Variants in INPP5A observed in about 807,000 individuals in gnomAD.
INPP5A encodes inositol polyphosphate-5-phosphatase A.
INPP5A carries 14 observed loss-of-function variants against 65.2 expected under a neutral mutation model. The observed-to-expected ratio is 0.21, with a 90% CI of 0.14 to 0.34. INPP5A has a LOEUF of 0.34. INPP5A is among the 10% of genes least tolerant of loss of function. INPP5A has a pLI of 1.00. For missense variants in INPP5A, 431 were observed against 545.6 expected (o/e 0.79, Z 2.09); for synonymous variants, 207 against 208.3 (o/e 0.99, Z 0.05).
intron 2 of INPP5A, among the ~76,000 whole-genome samples, chr10:132,621,200 C>T (rs1356076960): frequency 6.6e-6 from 1 of 152,222 alleles, no homozygotes; most frequent in Non-Finnish European, 1.5e-5. Context: ...TGCTTATTTA[C>T]CTGAAGACTG....
chr10:132,579,358 C>T (rs1313538436), intron 1 of INPP5A, among the ~76,000 whole-genome samples: 2 of 152,028 alleles, frequency 1.3e-5, no homozygotes, highest in South Asian at 2.1e-4. Flanking sequence ...GCATGAACTC[C>T]GTTTTCCTCC....
chr10:132,579,343 TGA>T (rs1314713979), intron 1 of INPP5A, among the ~76,000 whole-genome samples: 1 of 151,880 alleles, frequency 6.6e-6, no homozygotes, highest in Non-Finnish European at 1.5e-5. Context: ...TGTTGGGAAG[TGA>T]GGGCATGAAC....
chr10:132,721,980 G>C (rs574970376), intron 8 of INPP5A, among the ~76,000 whole-genome samples: 1 of 152,292 alleles, frequency 6.6e-6, no homozygotes, highest in South Asian at 2.1e-4. Flanking sequence ...AAACAGGCTG[G>C]TATGTTTATT....
intron 1 of INPP5A, among the ~76,000 whole-genome samples, chr10:132,541,880 G>T (rs1236447186): frequency 6.6e-6 from 1 of 152,252 alleles, no homozygotes. Flanking sequence ...TATGCAGACT[G>T]CCAGATCACC....
intron 1 of INPP5A, among the ~76,000 whole-genome samples, chr10:132,552,056 C>T (rs536943604): frequency 1.6e-4 from 25 of 152,344 alleles, no homozygotes; most frequent in Admixed American, 1.2e-3. Context: ...CCCATTCACT[C>T]GGGAGCATTT....
At chr10:132,633,127 G>A (rs1028677463) in intron 2 of INPP5A, among the ~76,000 whole-genome samples, 1 of 152,144 alleles carries the variant, frequency 6.6e-6, no homozygotes, top group Non-Finnish European at 1.5e-5. Context: ...TGCAACAAAG[G>A]TGCCCTGTCC....
At position 132,762,506 on chromosome 10, in the gene INPP5A, T is replaced by G. The variant is rs1378971314; in HGVS notation, c.904-3267T>G. Among the ~76,000 whole-genome samples, 1 of 152,044 alleles carries G rather than the reference T, an allele frequency of 6.6e-6. No individual in the cohort carries two copies. The highest frequency in any genetic ancestry group is 1.5e-5 in the Non-Finnish European group (1 of 68,016). ...ACTTAGAGTTCTCTCAGCAGCCAAG[T>G]CAGCCTTCAGAACACTGGCCACCAT... On this transcript the variant is annotated intron_variant, in intron 11 of 15. Transcript: ENST00000368594. The surrounding 1 kb of genome is among the most constrained non-coding windows in gnomAD (Gnocchi z 4.6).
At chr10:132,666,207 A>G (rs2072799980) in intron 4 of INPP5A, among the ~76,000 whole-genome samples, 1 of 152,128 alleles carries the variant, frequency 6.6e-6, no homozygotes, top group African/African-American at 2.4e-5. Context: ...ACTATGATTC[A>G]TCTAGGAACT....
At chr10:132,639,231 TTTC>T (rs1023109183) in intron 2 of INPP5A, among the ~76,000 whole-genome samples, 3 of 152,140 alleles carry the variant, frequency 2.0e-5, no homozygotes, top group Non-Finnish European at 4.4e-5. Flanking sequence ...TTTGCTTAGT[TTTC>T]TTTTGTGTGA....
In INPP5A at chr10:132,708,245, G is replaced by C; in HGVS notation, c.475-68G>C. On this transcript the variant is annotated intron_variant, in intron 6 of 15. Transcript: ENST00000368594. ...AAAGCATCTCCTGTGTCCTTTAGGT[G>C]TGTGGGACCCACGTGTTGCTCTTGC... The C allele has an allele frequency of 2.9e-6, 4 of 1,388,458 alleles. No homozygotes were observed. The Middle Eastern group carries it at 5.3e-4, about 184-fold the overall frequency. The allele number at this position is 1,388,458 out of a possible 1,614,324, so 86.0% of individuals were successfully genotyped here. A position where few individuals can be genotyped will look rare whatever the true frequency, so the allele number is the denominator to read the frequency against.
rs1333185649 is a variant in INPP5A at position 132,663,054 on chromosome 10, T to TA, written c.306+12550dup. 2.6e-5 allele frequency among the ~76,000 whole-genome samples: 4 copies of TA among 152,240 alleles called. No homozygotes were observed. The East Asian group carries it at 7.7e-4, about 29-fold the overall frequency. ...CTGCAGATTTAATGGAAAAGGGAAG[T>TA]ACTTCCATCAGCAGCTGGCCCCTCG... On this transcript the variant is annotated intron_variant, in intron 4 of 15. Coordinates refer to ENST00000368594, the MANE Select transcript of INPP5A (RefSeq NM_005539.5). The surrounding 1 kb of genome is among the most constrained non-coding windows in gnomAD (Gnocchi z 4.5).
chr10:132,593,664 C>T (rs2071647231), intron 1 of INPP5A, among the ~76,000 whole-genome samples: 1 of 152,192 alleles, frequency 6.6e-6, no homozygotes. Flanking sequence ...CACTCTAATT[C>T]TTGTCCTTGT....
In INPP5A at chr10:132,650,718, A is replaced by G. The variant is rs2072565078; in HGVS notation, c.306+213A>G. On this transcript the variant is annotated intron_variant, in intron 4 of 15. Coordinates refer to ENST00000368594, the MANE Select transcript of INPP5A (RefSeq NM_005539.5). This position sits in a 1 kb window ranked among gnomAD's most constrained non-coding sequence, Gnocchi z 5.5. The stretch of plus-strand genomic sequence containing the variant: ...GCAGGGAAGGTGGCCCAGCACGCAC[A>G]GGGTCTTGGGGCTCCAGACCAAGCC... Among the ~76,000 whole-genome samples the G allele has an allele frequency of 6.6e-6, 1 of 152,186 alleles. No homozygotes were observed. Among genetic ancestry groups the G allele is most frequent in the African/African-American group, 2.4e-5 (1 of 41,452 alleles).
intron 4 of INPP5A, among the ~76,000 whole-genome samples, chr10:132,687,409 A>G (rs974262614): frequency 6.6e-6 from 1 of 152,228 alleles, no homozygotes; most frequent in Non-Finnish European, 1.5e-5. Flanking sequence ...GCAGCAGCTC[A>G]CCAGGGCATG....
intron 8 of INPP5A, among the ~76,000 whole-genome samples, chr10:132,724,808 G>T (rs1244527972): frequency 1.3e-5 from 2 of 151,254 alleles, no homozygotes; most frequent in African/African-American, 4.9e-5. Context: ...CTCACGGGGG[G>T]CCCCAGGCTA....
intron 1 of INPP5A, among the ~76,000 whole-genome samples, chr10:132,574,477 T>A (rs1303524660): frequency 6.8e-6 from 1 of 147,320 alleles, no homozygotes; most frequent in Non-Finnish European, 1.5e-5. Flanking sequence ...GTGTCCTGTG[T>A]GAGGTTTTGT....
chr10:132,689,749 C>T (rs1472759508), intron 4 of INPP5A, among the ~76,000 whole-genome samples: 1 of 152,218 alleles, frequency 6.6e-6, no homozygotes, highest in Non-Finnish European at 1.5e-5. Context: ...GTGTGGTATC[C>T]GTCGACCCAG....
intron 1 of INPP5A, among the ~76,000 whole-genome samples, chr10:132,544,087 G>A (rs2070938546): frequency 6.6e-6 from 1 of 152,230 alleles, no homozygotes; most frequent in South Asian, 2.1e-4. Context: ...TCCCTCCCAG[G>A]GTTCTGGTTT....
chr10:132,644,042 A>C lies in INPP5A; in HGVS notation c.118-1826A>C, dbSNP rs969683594. On this transcript the variant is annotated intron_variant, in intron 2 of 15. Transcript: ENST00000368594. This position sits in a 1 kb window ranked among gnomAD's most constrained non-coding sequence, Gnocchi z 6.5. ...AAGACAGCTGGAACCAGACCACCGG[A>C]AACACTCAGACCACCGGCACCAAGG... Among the ~76,000 whole-genome samples, 1 of 151,928 alleles carries C rather than the reference A, an allele frequency of 6.6e-6. No individual in the cohort carries two copies. Among genetic ancestry groups the C allele is most frequent in the African/African-American group, 2.4e-5 (1 of 41,360 alleles).
Sources: gnomAD v4.1 joint callset for allele counts (sites outside exome capture counted in the v4.1 genomes callset) on GRCh38, gnomAD v4.1.1 for gene constraint, Gnocchi (gnomAD v3.1) non-coding constraint, MANE v1.5 for transcripts, NCBI Gene and HGNC (gene_info 2026-07-23, HGNC 2026-07-21) for gene names.